NUP155: variants seen among roughly 807,000 people sequenced by gnomAD.
NUP155 encodes the protein nuclear pore complex protein Nup155.
NUP155 carries 71 observed loss-of-function variants against 180.4 expected under a neutral mutation model. That is an observed-to-expected ratio of 0.39 (90% CI 0.33 to 0.48). NUP155 has a LOEUF of 0.48. NUP155 is among the 20% of genes least tolerant of loss of function. The probability of loss-of-function intolerance (pLI) is 0.91; values close to 1 mark genes in which losing one functional copy is unlikely to be tolerated. For missense variants in NUP155, 1,553 were observed against 1,648.9 expected (o/e 0.94, Z 1.01); for synonymous variants, 582 against 559.5 (o/e 1.04, Z -0.57).
intron 1 of NUP155, 200 bp downstream of exon 1, chr5:37,370,621 C>T: frequency 8.8e-6 from 13 of 1,472,114 alleles, no homozygotes; most frequent in Non-Finnish European, 1.2e-5. Flanking sequence ...TTCACTCTTG[C>T]CCTCTCAAGT....
At chr5:37,332,281 T>C (rs1745021267) in intron 13 of NUP155, among the ~76,000 whole-genome samples, 1 of 146,012 alleles carries the variant, frequency 6.8e-6, no homozygotes, top group Admixed American at 6.8e-5. Context: ...ATTACGTTGG[T>C]ACAAAAGCAA....
At position 37,289,485 on chromosome 5, in the gene NUP155, G is replaced by GT. The variant is rs1742147189; in HGVS notation, c.*2414dup. On this transcript the variant is annotated 3_prime_UTR_variant, in exon 35 of 35. Transcript: ENST00000231498. ...CCGGCTGATTGTTCTGAATGTGAAA[G>GT]TTTTAGAAACACTGTTCCAAGGGTA... The GT allele has an allele frequency of 6.6e-6, 1 of 152,164 alleles. No homozygotes were observed. Among genetic ancestry groups the GT allele is most frequent in the Non-Finnish European group, 1.5e-5 (1 of 68,022 alleles). 9.4% of individuals were successfully genotyped at this position (152,164 alleles called of 1,614,324 possible).
In NUP155 at chr5:37,302,849, T is replaced by C. The variant is rs756417594; in HGVS notation, c.3377A>G (p.Lys1126Arg). ...TATTGATGAAATGGCAGTGGAACTT[T>C]TGGCACTAAGAATGGCTCGAGCAAT... The part of the protein sequence containing the change: ...EYIARAILSA[K>R]SSTAISSIAA... The change falls in exon 29 of 35, where the codon AAA becomes AGA. Residue 1126 changes from lysine (K) to arginine (R), a missense_variant. Physicochemically the swap from Lys to Arg is conservative, Grantham distance 26. Coordinates refer to ENST00000231498, the MANE Select transcript of NUP155 (RefSeq NM_153485.3). 4.3e-6 allele frequency: 7 copies of C among 1,614,088 alleles called. No homozygotes were observed. The highest frequency in any genetic ancestry group is 2.2e-5 in the East Asian group (1 of 44,870).
chr5:37,333,486 T>C lies in NUP155; in HGVS notation c.1495A>G (p.Lys499Glu), dbSNP rs1391285322. 3.7e-6 allele frequency: 6 copies of C among 1,614,050 alleles called. No homozygotes were observed. The Admixed American group carries it at 1.0e-4, about 27-fold the overall frequency. The change falls in exon 13 of 35, where the codon AAA (lysine) becomes GAA (glutamate). Residue 499 changes from lysine to glutamate, a missense_variant. Lys to Glu is a moderately conservative substitution (Grantham distance 56). Coordinates refer to ENST00000231498, the MANE Select transcript of NUP155 (RefSeq NM_153485.3). ...VVQQHMLPPK[K>E]FVLLSAQGSL... Reference sequence around the variant, plus strand: ...ACCTGTGCTGAGAGGAGAACAAATTTCTTCGGAGGTAACATGTGCTGCTGT... The same window carrying C: ...ACCTGTGCTGAGAGGAGAACAAATTCCTTCGGAGGTAACATGTGCTGCTGT...
intron 3 of NUP155, 40 bp from the exon 4 acceptor site, chr5:37,358,191 C>T: frequency 1.4e-6 from 2 of 1,404,756 alleles, no homozygotes; most frequent in Non-Finnish European, 2.0e-6. Context: ...ACATATAAAG[C>T]AAATAGGCCA....
intron 25 of NUP155, among the ~76,000 whole-genome samples, chr5:37,306,104 G>A (rs1743138514): frequency 6.6e-6 from 1 of 152,162 alleles, no homozygotes; most frequent in African/African-American, 2.4e-5. Flanking sequence ...AAAAAAATAT[G>A]TTTTCGCCAG....
intron 13 of NUP155, among the ~76,000 whole-genome samples, chr5:37,332,168 C>CAAAAAAAAAAAAAAAAAAA (rs11305356): frequency 1.0e-5 from 1 of 100,128 alleles, no homozygotes; most frequent in African/African-American, 3.2e-5. Flanking sequence ...TCAATTTAGG[C>CAAAAAAAAAAAAAAAAAAA]AAAAAAAAAA....
intron 4 of NUP155, among the ~76,000 whole-genome samples, chr5:37,353,884 CG>C (rs1476759396): frequency 6.6e-6 from 1 of 152,118 alleles, no homozygotes; most frequent in Non-Finnish European, 1.5e-5. Flanking sequence ...TACACAATAA[CG>C]TGAATGGACT....
intron 9 of NUP155, among the ~76,000 whole-genome samples, chr5:37,346,495 A>T (rs2150981857): frequency 6.6e-6 from 1 of 152,174 alleles, no homozygotes; most frequent in Non-Finnish European, 1.5e-5. Flanking sequence ...AACATGGTGA[A>T]GCCCCATCTC....
chr5:37,299,510 T>C lies in NUP155; in HGVS notation c.3620A>G (p.His1207Arg). The change falls in exon 31 of 35, where the codon CAT (histidine) becomes CGT (arginine). Residue 1207 changes from histidine (H) to arginine (R), a missense_variant. His to Arg is a conservative substitution (Grantham distance 29). Coordinates refer to ENST00000231498, the MANE Select transcript of NUP155 (RefSeq NM_153485.3). ...KLAECKLAII[H>R]CAGYSDPILV... ...TATAGGGTCTGAATAACCGGCACAA[T>C]GAATTATTGCAAGTTTGCACTCTGC... The C allele has an allele frequency of 6.2e-7, 1 of 1,614,082 alleles. No individual in the cohort carries two copies. The highest frequency in any genetic ancestry group is 8.5e-7 in the Non-Finnish European group (1 of 1,179,962).
chr5:37,326,308 T>C (rs758301401), intron 18 of NUP155, among the ~76,000 whole-genome samples: 1 of 152,122 alleles, frequency 6.6e-6, no homozygotes, highest in South Asian at 2.1e-4. Context: ...GAAATATATA[T>C]TAGGCATGAT....
intron 1 of NUP155, among the ~76,000 whole-genome samples, chr5:37,364,941 T>C (rs1189641383): frequency 6.6e-6 from 1 of 151,506 alleles, no homozygotes; most frequent in African/African-American, 2.4e-5. Context: ...CAGCTGGAAA[T>C]GTTTAAATTT....
At position 37,312,390 on chromosome 5, in the gene NUP155, A is replaced by C. The variant is rs534959527; in HGVS notation, c.2437-1647T>G. ...AGGATTAAAAAAAAAAAAGCCTTAG[A>C]ATGTCCTTAGAATGCTGGACATTCT... On this transcript the variant is annotated intron_variant, in intron 22 of 34. Coordinates refer to ENST00000231498, the MANE Select transcript of NUP155 (RefSeq NM_153485.3). 2.0e-5 allele frequency among the ~76,000 whole-genome samples: 3 copies of C among 152,170 alleles called. No individual in the cohort carries two copies. In the South Asian group the frequency reaches 6.2e-4, roughly 32 times the overall value.
intron 9 of NUP155, among the ~76,000 whole-genome samples, chr5:37,346,080 C>CAAA (rs1746064339): frequency 6.6e-6 from 1 of 151,380 alleles, no homozygotes. Context: ...TAAAACAAAA[C>CAAA]AAAAAGGCTG....
rs1561823660 is a variant in NUP155 at position 37,371,079 on chromosome 5, C to A, written c.-102G>T. 2.5e-5 allele frequency: 32 copies of A among 1,286,712 alleles called. No homozygotes were observed. In the East Asian group the frequency reaches 5.0e-4, roughly 20 times the overall value. 79.7% of individuals were successfully genotyped at this position (1,286,712 alleles called of 1,614,324 possible). ...TTAGATCCGCCGCCTAGGGCGCGCG[C>A]GCCAAACGAGCGCCTTGGCGCCTCG... On this transcript the variant is annotated 5_prime_UTR_variant, in exon 1 of 35. Coordinates refer to ENST00000231498, the MANE Select transcript of NUP155 (RefSeq NM_153485.3).
At chr5:37,294,524 G>A in intron 32 of NUP155, 59 bp from the exon 33 acceptor site, 1 of 1,513,474 alleles carries the variant, frequency 6.6e-7, no homozygotes, top group Non-Finnish European at 9.2e-7. Flanking sequence ...CTAAAAGGTA[G>A]GTCTTATTCA....
chr5:37,304,771 T>A lies in NUP155; in HGVS notation c.3130A>T (p.Ile1044Leu), dbSNP rs1743060686. The A allele has an allele frequency of 6.2e-7, 1 of 1,613,452 alleles. No individual in the cohort carries two copies. The highest frequency in any genetic ancestry group is 1.3e-5 in the African/African-American group (1 of 74,928). The change falls in exon 27 of 35, where the codon ATA (isoleucine) becomes TTA (leucine). Residue 1044 changes from isoleucine to leucine, a missense_variant. Transcript: ENST00000231498. ...LFSIALYNWL[I>L]QVDLADKLLQ... is the part of the protein sequence containing the mutation. ...AGCTTATCTGCAAGGTCGACTTGTA[T>A]TAGCCAATTATAAAGGGCAATACTA... is the stretch of plus-strand genomic sequence containing the variant.
intron 13 of NUP155, among the ~76,000 whole-genome samples, chr5:37,332,386 A>C (rs1745034980): frequency 7.3e-6 from 1 of 137,880 alleles, no homozygotes; most frequent in South Asian, 2.2e-4. Context: ...CAGTGGCGCA[A>C]TCTCGGCTCA....
intron 11 of NUP155, among the ~76,000 whole-genome samples, chr5:37,338,703 C>T (rs1486666351): frequency 6.6e-6 from 1 of 152,144 alleles, no homozygotes; most frequent in African/African-American, 2.4e-5. Flanking sequence ...CTGCGCCCAA[C>T]CGAACATCAA....
Sources: gnomAD v4.1 joint callset for allele counts (sites outside exome capture counted in the v4.1 genomes callset) on GRCh38, gnomAD v4.1.1 for gene constraint, MANE v1.5 for transcripts, NCBI Gene and HGNC (gene_info 2026-07-23, HGNC 2026-07-21) for gene names.